The following WDR7 variants were observed in gnomAD, a reference collection of about 807,000 sequenced individuals.
WDR7 encodes the protein WD repeat domain 7.
WDR7 carries 46 observed loss-of-function variants against 169.4 expected under a neutral mutation model. The observed-to-expected ratio is 0.27, with a 90% CI of 0.21 to 0.35. The LOEUF (loss-of-function observed/expected upper bound fraction) is 0.35, where lower values mean the gene tolerates loss of function less well. Ranked by LOEUF, WDR7 falls within the 10% of genes least tolerant of loss-of-function variation. The pLI, the probability that WDR7 is intolerant of heterozygous loss-of-function variation, is 1.00. For synonymous variants in WDR7, 612 were observed against 666.8 expected (o/e 0.92, Z 1.27); for missense variants, 1,534 against 1,859.3 (o/e 0.83, Z 3.22).
chr18:56,939,197 CTAAAATAAAGCTAT>C, intron 24 of WDR7, 100 bp from the exon 25 acceptor site: 2 of 645,940 alleles, frequency 3.1e-6, no homozygotes, highest in Non-Finnish European at 4.9e-6. Flanking sequence ...ATTTTAAATA[CTAAAATAAAGCTAT>C]ATAGACTTTC....
chr18:56,661,533 G>A (rs2024904144), intron 1 of WDR7, among the ~76,000 whole-genome samples: 1 of 152,098 alleles, frequency 6.6e-6, no homozygotes, highest in African/African-American at 2.4e-5. Context: ...AATAAGTGTA[G>A]TCTCCTGTTG....
intron 26 of WDR7, among the ~76,000 whole-genome samples, chr18:56,965,684 A>AAAACTGT (rs928096789): frequency 5.3e-5 from 8 of 152,132 alleles, no homozygotes; most frequent in African/African-American, 1.7e-4. Flanking sequence ...GTCACTGGCA[A>AAAACTGT]AAACTGTTTT....
At position 56,942,974 on chromosome 18, in the gene WDR7, A is replaced by G. The variant is rs570063480; in HGVS notation, c.4064+3581A>G. Among the ~76,000 whole-genome samples, 204 of 152,358 alleles carry G rather than the reference A, an allele frequency of 1.3e-3. 1 individual carries two copies. Among genetic ancestry groups the G allele is most frequent in the African/African-American group, 4.6e-3 (193 of 41,588 alleles). ...TAAACATAGAAGAATGATTAACAAT[A>G]TAAGCTTGTAGCTTATGCTAAATGT... On this transcript the variant is annotated intron_variant, in intron 25 of 27. Coordinates refer to ENST00000254442, the MANE Select transcript of WDR7 (RefSeq NM_015285.3).
chr18:56,846,426 T>C (rs142713759), intron 20 of WDR7, among the ~76,000 whole-genome samples: 2,129 of 152,244 alleles, frequency 0.014, 28 homozygotes, highest in East Asian at 0.035. Flanking sequence ...CGAGATCCCA[T>C]GGGTTTATCA....
chr18:56,892,722 A>G (rs1006441599), intron 21 of WDR7, among the ~76,000 whole-genome samples: 2 of 152,176 alleles, frequency 1.3e-5, no homozygotes, highest in East Asian at 3.9e-4. Context: ...CCTACTGTAC[A>G]TCATTTGAAA....
At chr18:56,758,040 G>T (rs953504059) in intron 15 of WDR7, among the ~76,000 whole-genome samples, 33 of 152,058 alleles carry the variant, frequency 2.2e-4, no homozygotes, top group Non-Finnish European at 7.4e-5. Context: ...GACGTGTTCA[G>T]AGATTTGGCT....
chr18:56,706,157 G>A (rs1244753605), intron 12 of WDR7, among the ~76,000 whole-genome samples: 1 of 152,188 alleles, frequency 6.6e-6, no homozygotes, highest in Non-Finnish European at 1.5e-5. Context: ...GAGGGAAAAT[G>A]TTCATGTTAT....
At chr18:56,763,325 G>C (rs1275827101) in intron 16 of WDR7, among the ~76,000 whole-genome samples, 2 of 152,154 alleles carry the variant, frequency 1.3e-5, no homozygotes, top group East Asian at 3.8e-4. Context: ...ATGAATAGAT[G>C]TTAGATTTTA....
intron 20 of WDR7, among the ~76,000 whole-genome samples, chr18:56,846,472 T>G (rs1015051929): frequency 6.6e-6 from 1 of 152,166 alleles, no homozygotes. Context: ...TATTTTTCAC[T>G]TGCTGCCACC....
chr18:56,967,344 G>A (rs986614653), intron 26 of WDR7, among the ~76,000 whole-genome samples: 8 of 151,970 alleles, frequency 5.3e-5, no homozygotes, highest in Non-Finnish European at 7.4e-5. Flanking sequence ...TGCTGACTGT[G>A]CTTTTACTTG....
chr18:56,673,142 A>G (rs2025170879), intron 2 of WDR7, among the ~76,000 whole-genome samples: 1 of 140,194 alleles, frequency 7.1e-6, no homozygotes, highest in South Asian at 2.4e-4. Flanking sequence ...GGACAGAGCT[A>G]GGGAAATAGG....
intron 26 of WDR7, among the ~76,000 whole-genome samples, chr18:56,970,595 G>A (rs905217316): frequency 1.3e-5 from 2 of 152,084 alleles, no homozygotes; most frequent in Admixed American, 1.3e-4. Context: ...CTGCTCCCAC[G>A]CATGCATAGC....
chr18:56,944,145 C>T (rs985752138), intron 25 of WDR7, among the ~76,000 whole-genome samples: 11 of 151,914 alleles, frequency 7.2e-5, no homozygotes, highest in Middle Eastern at 3.4e-3. Context: ...TGAGCCACCA[C>T]GCCCAGCTCA....
intron 17 of WDR7, among the ~76,000 whole-genome samples, chr18:56,777,454 T>C (rs1568188837): frequency 6.6e-6 from 1 of 152,186 alleles, no homozygotes; most frequent in Non-Finnish European, 1.5e-5. Flanking sequence ...TGGGCTACCA[T>C]GTTATCTCTG....
chr18:56,739,876 A>AT (rs58692081), intron 14 of WDR7, among the ~76,000 whole-genome samples: 58,076 of 137,930 alleles, frequency 0.42, 14,129 homozygotes, highest in Non-Finnish European at 0.55. Context: ...CCTAGATGTG[A>AT]TTTTTTTTTT....
intron 26 of WDR7, among the ~76,000 whole-genome samples, chr18:56,978,731 T>G (rs1387884459): frequency 6.6e-6 from 1 of 152,210 alleles, no homozygotes; most frequent in African/African-American, 2.4e-5. Flanking sequence ...ATCAGAATCA[T>G]GTAGGAAATT....
chr18:56,918,095 G>A (rs181263413), intron 21 of WDR7, among the ~76,000 whole-genome samples: 11 of 152,186 alleles, frequency 7.2e-5, no homozygotes, highest in African/African-American at 2.2e-4. Context: ...TCTGCATTTC[G>A]GTAGTTTATT....
intron 21 of WDR7, among the ~76,000 whole-genome samples, chr18:56,908,813 C>G (rs1201838203): frequency 3.3e-5 from 5 of 152,178 alleles, no homozygotes. Flanking sequence ...TTCCCTCTTT[C>G]CTTCCCATCA....
At chr18:56,822,647 T>A (rs1453459119) in intron 20 of WDR7, among the ~76,000 whole-genome samples, 2 of 152,218 alleles carry the variant, frequency 1.3e-5, no homozygotes. Flanking sequence ...TTAACTGATA[T>A]TTAACAGCCT....
Sources: allele counts gnomAD v4.1 joint callset (sites outside exome capture counted in the v4.1 genomes callset), GRCh38; gene constraint gnomAD v4.1.1; transcripts MANE v1.5; gene names NCBI Gene and HGNC (gene_info 2026-07-23, HGNC 2026-07-21).